Variants in OXR1 observed in about 807,000 individuals in gnomAD.
OXR1 encodes oxidation resistance protein 1.
Under a neutral mutation model 104.6 loss-of-function variants are expected in OXR1, and 41 were observed. That is an observed-to-expected ratio of 0.39 (90% CI 0.31 to 0.51). OXR1 has a LOEUF of 0.51. Ranked by LOEUF, OXR1 falls within the 20% of genes least tolerant of loss-of-function variation. The probability of loss-of-function intolerance (pLI) is 0.77; values close to 1 mark genes in which losing one functional copy is unlikely to be tolerated. For missense variants in OXR1, 955 were observed against 1,031.9 expected (o/e 0.93, Z 1.02); for synonymous variants, 348 against 348.4 (o/e 1.00, Z 0.01).
At chr8:106,487,339 C>CTTTTTTTTTTTTTTTTTTTTTTTCTTTT (rs71307062) in intron 2 of OXR1, among the ~76,000 whole-genome samples, 2 of 129,206 alleles carry the variant, frequency 1.5e-5, no homozygotes, top group Non-Finnish European at 3.2e-5. Context: ...CCAGGTATTT[C>CTTTTTTTTTTTTTTTTTTTTTTTCTTTT]TTTTTTTTTT....
At chr8:106,609,431 A>G (rs1470171055) in intron 3 of OXR1, among the ~76,000 whole-genome samples, 1 of 152,152 alleles carries the variant, frequency 6.6e-6, no homozygotes, top group Non-Finnish European at 1.5e-5. Flanking sequence ...AGATAATAGA[A>G]AAGTTGTAAG....
intron 2 of OXR1, among the ~76,000 whole-genome samples, chr8:106,465,099 A>G (rs945250624): frequency 6.6e-6 from 1 of 151,994 alleles, no homozygotes; most frequent in Non-Finnish European, 1.5e-5. Context: ...AGGGGGATGT[A>G]AAATGTTGGG....
chr8:106,625,130 A>G (rs1182396642), intron 3 of OXR1, among the ~76,000 whole-genome samples: 4 of 152,200 alleles, frequency 2.6e-5, no homozygotes, highest in Non-Finnish European at 5.9e-5. Flanking sequence ...TAAGGAAATT[A>G]TGATACCAAA....
intron 3 of OXR1, among the ~76,000 whole-genome samples, chr8:106,531,436 T>G (rs985316050): frequency 6.6e-6 from 1 of 152,218 alleles, no homozygotes; most frequent in Non-Finnish European, 1.5e-5. Flanking sequence ...CTAGGATTTG[T>G]ACTCAAAGAT....
intron 6 of OXR1, among the ~76,000 whole-genome samples, chr8:106,692,465 A>T (rs533630589): frequency 2.6e-5 from 4 of 152,162 alleles, no homozygotes; most frequent in African/African-American, 9.6e-5. Context: ...TTTATTTTTT[A>T]AATTTATAGA....
intron 2 of OXR1, among the ~76,000 whole-genome samples, chr8:106,437,811 A>G (rs1819638117): frequency 6.6e-6 from 1 of 152,174 alleles, no homozygotes; most frequent in Non-Finnish European, 1.5e-5. Flanking sequence ...TGAATTGAGA[A>G]TCTATGACAA....
At chr8:106,678,043 C>G (rs1266625973) in intron 3 of OXR1, among the ~76,000 whole-genome samples, 1 of 152,064 alleles carries the variant, frequency 6.6e-6, no homozygotes, top group East Asian at 1.9e-4. Context: ...TAACTTAACA[C>G]TGTGTCAGAT....
chr8:106,686,179 A>G (rs958773649), intron 6 of OXR1, among the ~76,000 whole-genome samples: 4 of 152,104 alleles, frequency 2.6e-5, no homozygotes, highest in African/African-American at 9.7e-5. Flanking sequence ...TACAGTGTAC[A>G]CTGCTTAGGT....
intron 7 of OXR1, among the ~76,000 whole-genome samples, chr8:106,697,115 G>A (rs1830113119): frequency 6.6e-6 from 1 of 152,174 alleles, no homozygotes; most frequent in African/African-American, 2.4e-5. Flanking sequence ...CAGGCCAGGG[G>A]GAAAAAGGAG....
At chr8:106,707,297 G>T in intron 9 of OXR1, 152 bp downstream of exon 9, 1 of 703,702 alleles carries the variant, frequency 1.4e-6, no homozygotes, top group South Asian at 1.5e-5. Flanking sequence ...AGTATATACA[G>T]TCTCCAGTGT....
chr8:106,748,404 G>A (rs1355784446), intron 16 of OXR1, among the ~76,000 whole-genome samples: 1 of 151,880 alleles, frequency 6.6e-6, no homozygotes, highest in Non-Finnish European at 1.5e-5. Flanking sequence ...TTATAGAAGA[G>A]GTTCATCAGA....
intron 11 of OXR1, among the ~76,000 whole-genome samples, chr8:106,737,186 C>T (rs191187286): frequency 1.6e-4 from 24 of 152,114 alleles, no homozygotes; most frequent in Admixed American, 9.2e-4. Context: ...AGTTTTCAGA[C>T]GTTATCTTTA....
At chr8:106,321,357 C>A (rs1342069587) in intron 1 of OXR1, among the ~76,000 whole-genome samples, 6 of 151,970 alleles carry the variant, frequency 3.9e-5, no homozygotes, top group Non-Finnish European at 2.9e-5. Flanking sequence ...GAAATGGAAC[C>A]TTTATGGTGA....
At chr8:106,704,954 A>G (rs900619309) in intron 8 of OXR1, among the ~76,000 whole-genome samples, 4 of 152,342 alleles carry the variant, frequency 2.6e-5, no homozygotes, top group African/African-American at 7.2e-5. Flanking sequence ...ATGTATGCCA[A>G]AAATGAGGTA....
chr8:106,467,441 C>T (rs901698554), intron 2 of OXR1, among the ~76,000 whole-genome samples: 1 of 151,724 alleles, frequency 6.6e-6, no homozygotes, highest in Non-Finnish European at 1.5e-5. Flanking sequence ...CATGGATGAC[C>T]ACAAAGAGCT....
chr8:106,528,192 A>G (rs1586763333), intron 3 of OXR1, among the ~76,000 whole-genome samples: 1 of 151,764 alleles, frequency 6.6e-6, no homozygotes, highest in Non-Finnish European at 1.5e-5. Flanking sequence ...TGTTAAAATG[A>G]ATGGTCTTTT....
chr8:106,588,091 A>G (rs1400769132), intron 3 of OXR1, among the ~76,000 whole-genome samples: 1 of 151,852 alleles, frequency 6.6e-6, no homozygotes, highest in Non-Finnish European at 1.5e-5. Context: ...AGCTGGGACT[A>G]CAGGCACCCG....
At chr8:106,739,223 T>C (rs1343478322) in intron 12 of OXR1, among the ~76,000 whole-genome samples, 1 of 152,130 alleles carries the variant, frequency 6.6e-6, no homozygotes, top group East Asian at 1.9e-4. Context: ...TTCCTACCAG[T>C]CGTTCCTCAT....
Position 106,745,770 on chromosome 8 carries a change from T to C in OXR1, c.2413-19T>C, listed in dbSNP as rs1002424467. ...ACCATTTCATCTATATATTTAAAGC[T>C]TTTTTTAAATTTATATAGGTCTTTA... On this transcript the variant is annotated intron_variant, in intron 15 of 16. Coordinates refer to ENST00000517566, the MANE Select transcript of OXR1 (RefSeq NM_001198533.2). 1 of 1,281,618 alleles carries C rather than the reference T, an allele frequency of 7.8e-7. No individual in the cohort carries two copies. Among genetic ancestry groups the C allele is most frequent in the Non-Finnish European group, 1.1e-6 (1 of 896,244 alleles). 79.4% of individuals were successfully genotyped at this position (1,281,618 alleles called of 1,614,324 possible).
Sources: allele counts gnomAD v4.1 joint callset (sites outside exome capture counted in the v4.1 genomes callset), GRCh38; gene constraint gnomAD v4.1.1; transcripts MANE v1.5; gene names NCBI Gene and HGNC (gene_info 2026-07-23, HGNC 2026-07-21).